The following DOCK1 variants were observed in gnomAD, a reference collection of about 807,000 sequenced individuals.
DOCK1 encodes dedicator of cytokinesis 1.
In DOCK1, 138 loss-of-function variants were observed where a neutral mutation model predicts 262.7. That is an observed-to-expected ratio of 0.53 (90% CI 0.46 to 0.61). DOCK1 has a LOEUF of 0.61. Ranked by LOEUF, DOCK1 falls within the 20% of genes least tolerant of loss-of-function variation. DOCK1 has a pLI of 0.00. For missense variants in DOCK1, 1,908 were observed against 2,370.7 expected (o/e 0.80, Z 4.05); for synonymous variants, 866 against 867.4 (o/e 1.00, Z 0.03).
chr10:127,321,829 G>A (rs569765906), intron 29 of DOCK1, among the ~76,000 whole-genome samples: 15 of 152,018 alleles, frequency 9.9e-5, no homozygotes, highest in South Asian at 2.1e-4. Flanking sequence ...GAGGCTGGGC[G>A]CAGTGGCTCA....
chr10:127,111,741 C>G (rs2048877821), intron 25 of DOCK1, among the ~76,000 whole-genome samples: 1 of 152,100 alleles, frequency 6.6e-6, no homozygotes, highest in Admixed American at 6.6e-5. Flanking sequence ...CATTCAATGC[C>G]AAGACACACA....
intron 27 of DOCK1, among the ~76,000 whole-genome samples, chr10:127,244,473 T>C (rs980765706): frequency 1.3e-5 from 2 of 152,210 alleles, no homozygotes; most frequent in Non-Finnish European, 2.9e-5. Flanking sequence ...TCCAAATCAC[T>C]TTTTAAAAAG....
At chr10:127,342,883 G>A (rs1286104470) in intron 30 of DOCK1, among the ~76,000 whole-genome samples, 2 of 152,192 alleles carry the variant, frequency 1.3e-5, no homozygotes, top group East Asian at 1.9e-4. Flanking sequence ...GTGATTTGGG[G>A]GTAAAGAGTC....
chr10:126,994,936 C>T (rs1355577064), intron 6 of DOCK1, among the ~76,000 whole-genome samples: 5 of 149,802 alleles, frequency 3.3e-5, no homozygotes, highest in African/African-American at 9.8e-5. Flanking sequence ...GGGTGGCTGC[C>T]GGGTGGAGGG....
At chr10:127,400,527 C>T (rs868650067) in intron 38 of DOCK1, among the ~76,000 whole-genome samples, 22 of 152,182 alleles carry the variant, frequency 1.4e-4, no homozygotes, top group Non-Finnish European at 1.9e-4. Context: ...AAAAAGGCCA[C>T]GCTGGGTCAA....
At chr10:127,066,559 C>T (rs1025428471) in intron 23 of DOCK1, among the ~76,000 whole-genome samples, 1 of 152,174 alleles carries the variant, frequency 6.6e-6, no homozygotes, top group African/African-American at 2.4e-5. Context: ...CCACCTGGCT[C>T]TCCAAGCCTT....
At chr10:127,019,548 A>T (rs984878496) in intron 13 of DOCK1, among the ~76,000 whole-genome samples, 5 of 151,994 alleles carry the variant, frequency 3.3e-5, no homozygotes, top group African/African-American at 9.7e-5. Flanking sequence ...CGGGTTCGAG[A>T]CCACCCTGGG....
At chr10:127,044,188 T>G (rs1019015540) in intron 21 of DOCK1, among the ~76,000 whole-genome samples, 3 of 152,204 alleles carry the variant, frequency 2.0e-5, no homozygotes, top group Non-Finnish European at 4.4e-5. Context: ...CAACATACTT[T>G]GCAAAATACC....
chr10:127,028,385 T>C (rs1268133029), intron 16 of DOCK1, among the ~76,000 whole-genome samples: 2 of 152,196 alleles, frequency 1.3e-5, no homozygotes, highest in East Asian at 3.9e-4. Flanking sequence ...TCTTATCATG[T>C]GCCCGACACA....
At position 126,998,063 on chromosome 10, in the gene DOCK1, G is replaced by A. The variant is rs192142941; in HGVS notation, c.610-29G>A. 2.9e-5 allele frequency: 46 copies of A among 1,612,754 alleles called. No homozygotes were observed. The East Asian group carries it at 9.6e-4, about 34-fold the overall frequency. ...AGTGTCAGTGATGAGTGTTGCTGGG[G>A]TTGACTTTCTGTTTCCTTCCATACA... On this transcript the variant is annotated intron_variant, in intron 7 of 51. Transcript: ENST00000623213.
At chr10:127,314,176 T>G (rs2062174353) in intron 29 of DOCK1, among the ~76,000 whole-genome samples, 1 of 152,246 alleles carries the variant, frequency 6.6e-6, no homozygotes, top group African/African-American at 2.4e-5. Context: ...ATGCCTATTT[T>G]TAGTGCCTCC....
intron 29 of DOCK1, among the ~76,000 whole-genome samples, chr10:127,269,887 G>A (rs1590211860): frequency 1.3e-5 from 2 of 152,356 alleles, no homozygotes; most frequent in African/African-American, 4.8e-5. Flanking sequence ...TTGGCATAAC[G>A]AGAATAGAGA....
intron 18 of DOCK1, among the ~76,000 whole-genome samples, chr10:127,036,410 G>A (rs2043618229): frequency 6.6e-6 from 1 of 151,800 alleles, no homozygotes; most frequent in Admixed American, 6.6e-5. Context: ...TATAATGGAT[G>A]TCTGTATTTC....
intron 39 of DOCK1, among the ~76,000 whole-genome samples, chr10:127,403,829 C>G (rs1343261216): frequency 6.6e-6 from 1 of 152,184 alleles, no homozygotes; most frequent in African/African-American, 2.4e-5. Flanking sequence ...TTTCTTCTGC[C>G]ATGGGAATGC....
intron 23 of DOCK1, among the ~76,000 whole-genome samples, chr10:127,083,267 A>C (rs1564790317): frequency 6.6e-6 from 1 of 152,172 alleles, no homozygotes; most frequent in Non-Finnish European, 1.5e-5. Flanking sequence ...TATTTTGAAA[A>C]TGCACCTGCT....
In DOCK1 at chr10:127,176,464, C is replaced by T. The variant is rs2055168899; in HGVS notation, c.2847+48700C>T. On this transcript the variant is annotated intron_variant, in intron 27 of 51. Transcript: ENST00000623213. This position sits in a 1 kb window ranked among gnomAD's most constrained non-coding sequence, Gnocchi z 4.4. ...GAAATACACACTCAAGCACCGGCCGCACAAACTTTTAGCCACCACGACGAC... is the reference window on the plus strand; with the variant it reads ...GAAATACACACTCAAGCACCGGCCGTACAAACTTTTAGCCACCACGACGAC... 7.2e-7 allele frequency: 1 copy of T among 1,382,790 alleles called. No individual in the cohort carries two copies. The highest frequency in any genetic ancestry group is 9.8e-7 in the Non-Finnish European group (1 of 1,019,598). The allele number at this position is 1,382,790 out of a possible 1,614,324, so 85.7% of individuals were successfully genotyped here.
At chr10:127,066,366 A>C (rs1469337295) in intron 23 of DOCK1, among the ~76,000 whole-genome samples, 3 of 152,074 alleles carry the variant, frequency 2.0e-5, no homozygotes, top group Non-Finnish European at 4.4e-5. Flanking sequence ...AAAGTCTTGG[A>C]ACCGTTTCCT....
intron 27 of DOCK1, among the ~76,000 whole-genome samples, chr10:127,147,477 G>A (rs1051841396): frequency 2.0e-5 from 3 of 152,034 alleles, no homozygotes; most frequent in East Asian, 1.9e-4. Context: ...TGCCTTTTAC[G>A]TCCTTGCACC....
chr10:127,219,978 T>C (rs762548797), intron 27 of DOCK1, among the ~76,000 whole-genome samples: 2 of 152,174 alleles, frequency 1.3e-5, no homozygotes, highest in Non-Finnish European at 2.9e-5. Flanking sequence ...TCTACAGTTT[T>C]GAGATCATTA....
Sources: allele counts gnomAD v4.1 joint callset (sites outside exome capture counted in the v4.1 genomes callset), GRCh38; gene constraint gnomAD v4.1.1; non-coding constraint Gnocchi (gnomAD v3.1); transcripts MANE v1.5; gene names NCBI Gene and HGNC (gene_info 2026-07-23, HGNC 2026-07-21).